SLC25A21: variants seen among roughly 807,000 people sequenced by gnomAD.
SLC25A21 encodes the protein solute carrier family 25 member 21.
Under a neutral mutation model 43.8 loss-of-function variants are expected in SLC25A21, and 47 were observed. That is an observed-to-expected ratio of 1.07 (90% confidence interval 0.85 to 1.37). The LOEUF is 1.37. Ranked by LOEUF, SLC25A21 falls within the 40% of genes most tolerant of loss-of-function variation. The pLI is 0.00. For synonymous variants in SLC25A21, 131 were observed against 121.3 expected (o/e 1.08, Z -0.52); for missense variants, 352 against 350.2 (o/e 1.00, Z -0.04).
chr14:36,731,925 G>C (rs941609110), intron 4 of SLC25A21, among the ~76,000 whole-genome samples: 1 of 152,102 alleles, frequency 6.6e-6, no homozygotes, highest in Admixed American at 6.5e-5. Flanking sequence ...CCCTGTCCCG[G>C]GGCCTGAAAG....
At chr14:36,862,155 G>C (rs1321654186) in intron 2 of SLC25A21, among the ~76,000 whole-genome samples, 1 of 152,206 alleles carries the variant, frequency 6.6e-6, no homozygotes, top group Non-Finnish European at 1.5e-5. Flanking sequence ...CTTTTACATG[G>C]TTGGTGGGGT....
intron 2 of SLC25A21, among the ~76,000 whole-genome samples, chr14:36,857,284 G>A (rs1465189516): frequency 2.0e-5 from 3 of 152,152 alleles, no homozygotes; most frequent in Admixed American, 6.5e-5. Flanking sequence ...TAAACACCAA[G>A]GGAGCTGGCG....
intron 1 of SLC25A21, among the ~76,000 whole-genome samples, chr14:37,147,638 T>TTG (rs1310379688): frequency 3.1e-5 from 4 of 130,068 alleles, no homozygotes; most frequent in East Asian, 4.0e-4. Flanking sequence ...TTTCAGGTTT[T>TTG]TTTTTTTTTT....
chr14:37,008,944 T>C (rs1398069396), intron 1 of SLC25A21, among the ~76,000 whole-genome samples: 2 of 152,170 alleles, frequency 1.3e-5, no homozygotes, highest in African/African-American at 4.8e-5. Context: ...AAAACCAATC[T>C]TAGTTCAGAA....
intron 1 of SLC25A21, among the ~76,000 whole-genome samples, chr14:37,160,255 T>C (rs1003873603): frequency 6.6e-6 from 1 of 152,218 alleles, no homozygotes; most frequent in Non-Finnish European, 1.5e-5. Context: ...ATCAAAGTGA[T>C]AGCTGCACTT....
intron 3 of SLC25A21, among the ~76,000 whole-genome samples, chr14:36,743,866 T>G (rs1885380119): frequency 6.6e-6 from 1 of 152,180 alleles, no homozygotes; most frequent in Admixed American, 6.6e-5. Flanking sequence ...ATCAGTAGCA[T>G]TTCTATATAC....
chr14:37,019,493 A>G (rs190430204), intron 1 of SLC25A21, among the ~76,000 whole-genome samples: 47 of 151,922 alleles, frequency 3.1e-4, no homozygotes, highest in African/African-American at 1.1e-3. Context: ...TGGAAGTTCT[A>G]TGCAACATAG....
intron 1 of SLC25A21, among the ~76,000 whole-genome samples, chr14:36,955,174 A>C (rs1408650488): frequency 6.6e-6 from 1 of 152,200 alleles, no homozygotes; most frequent in African/African-American, 2.4e-5. Context: ...TGAATGGGCA[A>C]ACAAACTAAA....
chr14:36,863,676 A>G (rs1890134805), intron 2 of SLC25A21, among the ~76,000 whole-genome samples: 2 of 152,324 alleles, frequency 1.3e-5, no homozygotes, highest in Admixed American at 1.3e-4. Context: ...AAATAATTTT[A>G]GTCTATGGCA....
intron 1 of SLC25A21, among the ~76,000 whole-genome samples, chr14:37,018,232 T>C (rs1423407161): frequency 6.6e-6 from 1 of 151,986 alleles, no homozygotes; most frequent in African/African-American, 2.4e-5. Context: ...TACATAAAAA[T>C]TTCTATTTAC....
chr14:36,897,745 T>A (rs186120459), intron 1 of SLC25A21, among the ~76,000 whole-genome samples: 1 of 152,302 alleles, frequency 6.6e-6, no homozygotes, highest in Admixed American at 6.5e-5. Context: ...TTAATTTTCC[T>A]TCTAACAGTC....
chr14:36,960,165 A>C (rs1362336607), intron 1 of SLC25A21, among the ~76,000 whole-genome samples: 1 of 152,128 alleles, frequency 6.6e-6, no homozygotes, highest in Admixed American at 6.5e-5. Context: ...TTGTCTATTC[A>C]CCTATTTTCA....
intron 1 of SLC25A21, among the ~76,000 whole-genome samples, chr14:37,028,654 A>G (rs1343139986): frequency 6.6e-6 from 1 of 152,198 alleles, no homozygotes; most frequent in African/African-American, 2.4e-5. Context: ...TATGAATAAA[A>G]AATAACATTA....
chr14:37,145,596 A>C (rs1365531100), intron 1 of SLC25A21, among the ~76,000 whole-genome samples: 1 of 152,098 alleles, frequency 6.6e-6, no homozygotes, highest in Non-Finnish European at 1.5e-5. Context: ...TATGACTGCC[A>C]CATGTGTGGG....
chr14:36,716,695 T>G (rs1884151645), intron 6 of SLC25A21, among the ~76,000 whole-genome samples: 1 of 152,140 alleles, frequency 6.6e-6, no homozygotes, highest in Admixed American at 6.5e-5. Context: ...CCCAACTATT[T>G]TTTCTGGAGT....
chr14:36,814,604 C>A (rs975759627), intron 2 of SLC25A21, among the ~76,000 whole-genome samples: 2 of 152,158 alleles, frequency 1.3e-5, no homozygotes, highest in African/African-American at 4.8e-5. Flanking sequence ...AAATGCAAAT[C>A]AAAACCACAA....
chr14:37,030,735 G>A (rs538635472), intron 1 of SLC25A21, among the ~76,000 whole-genome samples: 2 of 152,144 alleles, frequency 1.3e-5, no homozygotes, highest in African/African-American at 4.8e-5. Context: ...AAAAACTGAG[G>A]GCCTCATATC....
chr14:36,879,602 AG>A (rs1246962069), intron 1 of SLC25A21, among the ~76,000 whole-genome samples: 1 of 152,164 alleles, frequency 6.6e-6, no homozygotes, highest in Non-Finnish European at 1.5e-5. Context: ...ACCTTGGGAT[AG>A]CCCCTGGATG....
At chr14:36,856,654 G>A (rs1184889834) in intron 2 of SLC25A21, among the ~76,000 whole-genome samples, 4 of 152,176 alleles carry the variant, frequency 2.6e-5, no homozygotes, top group African/African-American at 4.8e-5. Context: ...TGAGTGATGT[G>A]TGGAAGCTCC....
Sources: gnomAD v4.1 joint callset for allele counts (sites outside exome capture counted in the v4.1 genomes callset) on GRCh38, gnomAD v4.1.1 for gene constraint, MANE v1.5 for transcripts, NCBI Gene and HGNC (gene_info 2026-07-23, HGNC 2026-07-21) for gene names.